Variants in RELN observed in about 807,000 individuals in gnomAD.
The protein encoded by RELN is reelin.
In RELN, 108 loss-of-function variants were observed where a neutral mutation model predicts 427.6. The ratio of observed to expected loss-of-function variants is 0.25; its 90% confidence interval spans 0.22 to 0.30. The LOEUF is 0.30. Among genes scored for constraint, RELN ranks in the 10% least tolerant of loss-of-function variants. The pLI is 1.00. For synonymous variants in RELN, 1,524 were observed against 1,513.4 expected, an observed-to-expected ratio of 1.01 and a Z score of -0.16; for missense variants, 3,715 against 4,302.8, an observed-to-expected ratio of 0.86 and a Z score of 3.82.
intron 1 of RELN, among the ~76,000 whole-genome samples, chr7:103,969,710 T>G (rs1796724984): frequency 6.6e-6 from 1 of 152,170 alleles, no homozygotes; most frequent in South Asian, 2.1e-4. Flanking sequence ...AATCTGAGGA[T>G]TCAGGAAGTT....
At position 103,573,881 on chromosome 7, in the gene RELN, A is replaced by G. The variant is rs1406584069; in HGVS notation, c.4511+211T>C. 6.6e-6 allele frequency among the ~76,000 whole-genome samples: 1 copy of G among 152,214 alleles called. No individual in the cohort carries two copies. Among genetic ancestry groups the G allele is most frequent in the African/African-American group, 2.4e-5 (1 of 41,448 alleles). On this transcript the variant is annotated intron_variant, in intron 30 of 64. Transcript: ENST00000428762. This position sits in a 1 kb window ranked among gnomAD's most constrained non-coding sequence, Gnocchi z 4.4. ...AGACACACAGGCCTTGGTGATGACC[A>G]CACATGGATTTATGAATTGCAGCAT... is the stretch of plus-strand genomic sequence containing the variant.
At chr7:103,623,995 A>G (rs1241870247) in intron 20 of RELN, among the ~76,000 whole-genome samples, 1 of 152,134 alleles carries the variant, frequency 6.6e-6, no homozygotes, top group Non-Finnish European at 1.5e-5. Flanking sequence ...ACATTATTAT[A>G]TAATAATATA....
intron 4 of RELN, among the ~76,000 whole-genome samples, chr7:103,772,637 G>T (rs377416238): frequency 1.5e-3 from 223 of 152,296 alleles, no homozygotes; most frequent in African/African-American, 5.1e-3. Context: ...CCTAAGCAGG[G>T]TCTGACAGCC....
intron 1 of RELN, among the ~76,000 whole-genome samples, chr7:103,957,779 G>C (rs1328992607): frequency 6.6e-6 from 1 of 152,172 alleles, no homozygotes; most frequent in African/African-American, 2.4e-5. Context: ...TGTTGGCTAA[G>C]TGATGCTCGC....
At chr7:103,623,396 T>A (rs546735927) in intron 20 of RELN, among the ~76,000 whole-genome samples, 9 of 152,218 alleles carry the variant, frequency 5.9e-5, no homozygotes, top group Non-Finnish European at 1.3e-4. Context: ...AAGCTACAGG[T>A]TAATGTTTCG....
intron 1 of RELN, among the ~76,000 whole-genome samples, chr7:103,951,866 T>C (rs1286433613): frequency 6.6e-6 from 1 of 152,134 alleles, no homozygotes; most frequent in Admixed American, 6.5e-5. Flanking sequence ...AGACACAGGG[T>C]TTTGCCATGT....
chr7:103,951,190 T>C (rs1796323899), intron 1 of RELN, among the ~76,000 whole-genome samples: 2 of 152,190 alleles, frequency 1.3e-5, no homozygotes, highest in South Asian at 4.1e-4. Flanking sequence ...TCAGATCCAC[T>C]AGAAATCTGA....
Position 103,682,149 on chromosome 7 carries a change from T to C in RELN, c.1256A>G (p.Gln419Arg). ...VDLSTEDIQE[Q>R]WSEEFESQPT... Reference sequence around the variant, plus strand: ...CTGGCTCTCAAATTCTTCTGACCATTGCTCTTGAATATCTTCTGTGGAAAG... The same window carrying C: ...CTGGCTCTCAAATTCTTCTGACCATCGCTCTTGAATATCTTCTGTGGAAAG... Residue 419 changes from glutamine to arginine, a missense_variant, in exon 11 of 65, where the codon CAA (glutamine) becomes CGA (arginine). Gln to Arg is a conservative substitution (Grantham distance 43). This residue lies in a region of RELN where 2,208 missense variants were observed against 2,361.7 expected (regional missense o/e 0.93). Transcript: ENST00000428762. 1 of 1,614,018 alleles carries C rather than the reference T, an allele frequency of 6.2e-7. No homozygotes were observed. Among genetic ancestry groups the C allele is most frequent in the Non-Finnish European group, 8.5e-7 (1 of 1,179,918 alleles).
chr7:103,977,535 C>T (rs190259931), intron 1 of RELN, among the ~76,000 whole-genome samples: 2 of 152,160 alleles, frequency 1.3e-5, no homozygotes, highest in Admixed American at 1.3e-4. Context: ...CACCCTACCC[C>T]TGCTAGGCCA....
chr7:103,811,434 TAA>T (rs1399116445), intron 3 of RELN, among the ~76,000 whole-genome samples: 2 of 152,196 alleles, frequency 1.3e-5, no homozygotes, highest in African/African-American at 4.8e-5. Context: ...GAATTAAACA[TAA>T]GTCCTGATTT....
chr7:103,488,085 T>G (rs62480384), intron 60 of RELN, among the ~76,000 whole-genome samples: 20,353 of 151,788 alleles, frequency 0.13, 1,749 homozygotes, highest in East Asian at 0.28. Flanking sequence ...AAGGCAGAGG[T>G]TGTAGTGAGC....
At chr7:103,608,476 A>C (rs2117283674) in intron 22 of RELN, among the ~76,000 whole-genome samples, 1 of 152,242 alleles carries the variant, frequency 6.6e-6, no homozygotes, top group East Asian at 1.9e-4. Context: ...TGTTACATAT[A>C]CTTAAAGGTA....
intron 3 of RELN, among the ~76,000 whole-genome samples, chr7:103,826,999 T>G (rs79807748): frequency 7.1e-6 from 1 of 140,280 alleles, no homozygotes; most frequent in Admixed American, 7.0e-5. Flanking sequence ...TGCTATAGCT[T>G]TTTTTTTTTT....
At chr7:103,505,850 T>G (rs893181392) in intron 51 of RELN, among the ~76,000 whole-genome samples, 1 of 151,920 alleles carries the variant, frequency 6.6e-6, no homozygotes, top group African/African-American at 2.4e-5. Flanking sequence ...TGAAAAAAGG[T>G]TAGAGGGACT....
At chr7:103,628,712 T>G (rs995093923) in intron 20 of RELN, among the ~76,000 whole-genome samples, 1 of 152,230 alleles carries the variant, frequency 6.6e-6, no homozygotes, top group Non-Finnish European at 1.5e-5. Flanking sequence ...TTCAGTGATA[T>G]TCATCTGAAG....
chr7:103,538,282 G>A lies in RELN; in HGVS notation c.7180+796C>T, dbSNP rs115562659. ...TCCCCTCTACCCAGAATCTAAAACT[G>A]AACGGGGACCTTGTGAACATTCTAG... is the stretch of plus-strand genomic sequence containing the variant. On this transcript the variant is annotated intron_variant, in intron 45 of 64. Transcript: ENST00000428762. Among the ~76,000 whole-genome samples, 452 of 152,232 alleles carry A rather than the reference G, an allele frequency of 3.0e-3. 1 individual carries two copies. Among genetic ancestry groups the A allele is most frequent in the African/African-American group, 0.011 (444 of 41,518 alleles).
chr7:103,550,216 T>A (rs985175565), intron 41 of RELN, among the ~76,000 whole-genome samples: 1 of 152,190 alleles, frequency 6.6e-6, no homozygotes, highest in Non-Finnish European at 1.5e-5. Flanking sequence ...CTTTAAAAAA[T>A]TCACTTTCAC....
intron 57 of RELN, among the ~76,000 whole-genome samples, chr7:103,494,193 A>G (rs1828756616): frequency 6.6e-6 from 1 of 152,170 alleles, no homozygotes; most frequent in Non-Finnish European, 1.5e-5. Context: ...CTTACCCTCC[A>G]GTCCCCAAAG....
intron 50 of RELN, among the ~76,000 whole-genome samples, chr7:103,511,396 A>G (rs2117063998): frequency 6.6e-6 from 1 of 152,308 alleles, no homozygotes; most frequent in East Asian, 1.9e-4. Context: ...TTATTAGGAA[A>G]GAATCATGAA....
Sources: gnomAD v4.1 joint callset for allele counts (sites outside exome capture counted in the v4.1 genomes callset) on GRCh38, gnomAD v4.1.1 for gene constraint, gnomAD v4.1.1 regional missense constraint, Gnocchi (gnomAD v3.1) non-coding constraint, MANE v1.5 for transcripts, NCBI Gene and HGNC (gene_info 2026-07-23, HGNC 2026-07-21) for gene names.